ABCB6: variants seen among roughly 807,000 people sequenced by gnomAD.
ABCB6 encodes the protein ATP-binding cassette sub-family B member 6.
Under a neutral mutation model 99.4 loss-of-function variants are expected in ABCB6, and 87 were observed. The ratio of observed to expected loss-of-function variants is 0.88; its 90% CI spans 0.74 to 1.05. The LOEUF (loss-of-function observed/expected upper bound fraction) is 1.05, where lower values mean the gene tolerates loss of function less well. Ranked by LOEUF, ABCB6 falls within the 50% of genes least tolerant of loss-of-function variation. ABCB6 has a pLI of 0.00. For synonymous variants in ABCB6, 482 were observed against 447.5 expected, an observed-to-expected ratio of 1.08 and a Z score of -0.97; for missense variants, 1,050 against 1,097.9, an observed-to-expected ratio of 0.96 and a Z score of 0.62.
At position 219,216,395 on chromosome 2, in the gene ABCB6, C is replaced by A. The variant is rs752910770; in HGVS notation, c.939G>T (p.Lys313Asn). The A allele has an allele frequency of 2.5e-6, 4 of 1,614,040 alleles. No individual in the cohort carries two copies. The highest frequency in any genetic ancestry group is 2.5e-6 in the Non-Finnish European group (3 of 1,179,992). ...AWTVTSYVFL[K>N]FLQGGGTGST... ...TGCCAGTGCCACCCCCCTGGAGGAA[C>A]TTGAGGAAGACGTAACTGGTAACAG... The change falls in exon 4 of 19, where the codon AAG becomes AAT. Residue 313 changes from lysine (K) to asparagine (N), a missense_variant. Transcript: ENST00000265316. This position sits in a 1 kb window ranked among gnomAD's most constrained non-coding sequence, Gnocchi z 4.2.
chr2:219,214,815 G>A (rs894608345), intron 6 of ABCB6, 146 bp downstream of exon 6: 19 of 898,250 alleles, frequency 2.1e-5, no homozygotes, highest in East Asian at 1.3e-4. Flanking sequence ...GAAGAGACCC[G>A]CCCATCACAT....
Position 219,214,946 on chromosome 2 carries a change from C to G in ABCB6, c.1276+15G>C. ...TGGATAGTTCAGGGAGACGGTGTCT[C>G]CCAGCAGCACTCACTGAGGTAAAGA... On this transcript the variant is annotated intron_variant, in intron 6 of 18. Coordinates refer to ENST00000265316, the MANE Select transcript of ABCB6 (RefSeq NM_005689.4). 1 of 1,613,950 alleles carries G rather than the reference C, an allele frequency of 6.2e-7. No homozygotes were observed. The highest frequency in any genetic ancestry group is 8.5e-7 in the Non-Finnish European group (1 of 1,179,976).
At chr2:219,213,795 C>A in intron 9 of ABCB6, 31 bp downstream of exon 9, 1 of 1,613,724 alleles carries the variant, frequency 6.2e-7, no homozygotes, top group Non-Finnish European at 8.5e-7. Context: ...TTTCCTTGTG[C>A]CCCACTCTCT....
rs779756184 is a variant in ABCB6 at position 219,218,524 on chromosome 2, G to A, written c.150C>T (p.Cys50=). ...CACCAGCGGGCCGCTCCCGGCGTCT[G>A]CAGGGAAGAGCCAGCACCAAGGCCA... The part of the protein sequence containing the change: ...GTLALVLALP[C]RRRERPAGAD... Residue 50 remains cysteine (C), a synonymous_variant, in exon 1 of 19, where the codon TGC becomes TGT. Coordinates refer to ENST00000265316, the MANE Select transcript of ABCB6 (RefSeq NM_005689.4). 2.5e-6 allele frequency: 4 copies of A among 1,610,660 alleles called. No homozygotes were observed. The highest frequency in any genetic ancestry group is 3.4e-6 in the Non-Finnish European group (4 of 1,178,964).
intron 14 of ABCB6, among the ~76,000 whole-genome samples, chr2:219,211,614 G>A (rs1046351088): frequency 3.0e-5 from 4 of 132,262 alleles, no homozygotes; most frequent in East Asian, 2.3e-4. Context: ...ACAGAATATC[G>A]TTGTACCTTT....
rs372607361 is a variant in ABCB6, at chr2:219,213,509, A to G, written c.1656-7T>C. 5.0e-6 allele frequency: 8 copies of G among 1,614,076 alleles called. No individual in the cohort carries two copies. The African/African-American group carries it at 1.1e-4, about 22-fold the overall frequency. ...GAAGTTGGTCTGGATCATCCTGCAA[A>G]AAGGTGCTGGTTAGGACTTCTCTGA... On this transcript the variant is annotated splice_polypyrimidine_tract_variant and splice_region_variant and intron_variant, in intron 10 of 18. Transcript: ENST00000265316.
intron 1 of ABCB6, 24 bp from the exon 2 acceptor site, chr2:219,217,831 G>C (rs1459325749): frequency 1.3e-6 from 2 of 1,595,280 alleles, no homozygotes; most frequent in South Asian, 1.1e-5. Flanking sequence ...TAAGTGGAGA[G>C]AGTATCATTG....
At position 219,212,510 on chromosome 2, in the gene ABCB6, G is replaced by A; in HGVS notation, c.1864-19C>T. On this transcript the variant is annotated intron_variant, in intron 13 of 18. Transcript: ENST00000265316. ...GGCCCACCTGTTGCATTGGAAATGGGAAAAATCTCAGGCCCACTGGCTTTT... is the reference window on the plus strand; with the variant it reads ...GGCCCACCTGTTGCATTGGAAATGGAAAAAATCTCAGGCCCACTGGCTTTT... 1.2e-6 allele frequency: 2 copies of A among 1,605,232 alleles called. No homozygotes were observed. Among genetic ancestry groups the A allele is most frequent in the South Asian group, 1.1e-5 (1 of 90,370 alleles).
intron 13 of ABCB6, among the ~76,000 whole-genome samples, chr2:219,212,714 G>A (rs1374904913): frequency 2.6e-5 from 4 of 152,060 alleles, no homozygotes; most frequent in African/African-American, 9.7e-5. Context: ...TAGAGATAGG[G>A]TTTCACCATG....
At chr2:219,214,599 C>A in intron 6 of ABCB6, 101 bp from the exon 7 acceptor site, 1 of 890,712 alleles carries the variant, frequency 1.1e-6, no homozygotes, top group Non-Finnish European at 1.8e-6. Context: ...TAAGCCTATG[C>A]TCAAGCCCGG....
chr2:219,216,886 GC>G lies in ABCB6; in HGVS notation c.688-55del. Reference sequence around the variant, plus strand: ...GCTCAGAAATCAAGTAAGTGCACTAGCCAGAAACCCTTCAGGGAAAAACCTA... The same window carrying G: ...GCTCAGAAATCAAGTAAGTGCACTAGCAGAAACCCTTCAGGGAAAAACCTA... On this transcript the variant is annotated intron_variant, in intron 2 of 18. Transcript: ENST00000265316. The surrounding 1 kb of genome is among the most constrained non-coding windows in gnomAD (Gnocchi z 4.2). 2 of 1,507,830 alleles carry G rather than the reference GC, an allele frequency of 1.3e-6. No homozygotes were observed. Among genetic ancestry groups the G allele is most frequent in the South Asian group, 2.5e-5 (2 of 79,994 alleles). The allele number at this position is 1,507,830 out of a possible 1,614,324, so 93.4% of individuals were successfully genotyped here.
At chr2:219,210,593 G>A in intron 16 of ABCB6, 118 bp from the exon 17 acceptor site, 5 of 1,590,896 alleles carry the variant, frequency 3.1e-6, no homozygotes, top group Non-Finnish European at 4.3e-6. Context: ...TTGAGAACTG[G>A]AAAGTGTGTT....
chr2:219,218,690 C>T lies in ABCB6; in HGVS notation c.-17G>A, dbSNP rs1950682381. On this transcript the variant is annotated 5_prime_UTR_variant, in exon 1 of 19. Coordinates refer to ENST00000265316, the MANE Select transcript of ABCB6 (RefSeq NM_005689.4). ...AGTCACCATGGCAATGCGTGGACGC[C>T]GGCCGAGGCTGCGGGCACTGCGGGA... The T allele has an allele frequency of 2.0e-6, 3 of 1,528,402 alleles. No homozygotes were observed. Among genetic ancestry groups the T allele is most frequent in the Non-Finnish European group, 2.6e-6 (3 of 1,136,420 alleles). The allele number at this position is 1,528,402 out of a possible 1,614,324, so 94.7% of individuals were successfully genotyped here.
Position 219,210,278 on chromosome 2 carries a change from G to C in ABCB6, c.2372C>G (p.Ala791Gly), listed in dbSNP as rs771803840. 2 of 1,614,222 alleles carry C rather than the reference G, an allele frequency of 1.2e-6. No homozygotes were observed. Among genetic ancestry groups the C allele is most frequent in the East Asian group, 4.5e-5 (2 of 44,880 alleles). The change falls in exon 18 of 19, where the codon GCT (alanine) becomes GGT (glycine). Residue 791 changes from alanine to glycine, a missense_variant. Ala to Gly is a moderately conservative substitution (Grantham distance 60). Transcript: ENST00000265316. ...ATCCTTGATGACGAGGATCTGGTCA[G>C]CATTGACCACAGTTGAGAGCCTGAG... ...VAHRLSTVVN[A>G]DQILVIKDGC...
intron 6 of ABCB6, 75 bp from the exon 7 acceptor site, chr2:219,214,573 C>T: frequency 9.1e-7 from 1 of 1,099,022 alleles, no homozygotes. Context: ...ATGTCCACTA[C>T]CTGCCATGTA....
chr2:219,212,472 C>T lies in ABCB6; in HGVS notation c.1883G>A (p.Gly628Glu), dbSNP rs2106423770. Residue 628 changes from glycine (G) to glutamate (E), a missense_variant, in exon 14 of 19, where the codon GGG becomes GAG. Physicochemically the swap from Gly to Glu is moderately conservative, Grantham distance 98. Coordinates refer to ENST00000265316, the MANE Select transcript of ABCB6 (RefSeq NM_005689.4). ...CAGCAGGCGCAAAATTGTGCTCTTCCCTGCCCCAGATGGGCCCACCTGTTG... is the reference window on the plus strand; with the variant it reads ...CAGCAGGCGCAAAATTGTGCTCTTCTCTGCCCCAGATGGGCCCACCTGTTG... ...TLALVGPSGAGKSTILRLLFR... is the reference protein window; with the variant it reads ...TLALVGPSGAEKSTILRLLFR... The T allele has an allele frequency of 6.2e-7, 1 of 1,614,104 alleles. No homozygotes were observed. The highest frequency in any genetic ancestry group is 2.2e-5 in the East Asian group (1 of 44,880).
Position 219,218,787 on chromosome 2 carries a change from C to G in ABCB6, c.-114G>C, listed in dbSNP as rs545501683. On this transcript the variant is annotated 5_prime_UTR_variant, in exon 1 of 19. Transcript: ENST00000265316. Reference sequence around the variant, plus strand: ...TGCCTTGGCTCACGTAGCCGCTGGGCGCCAAGCTGCGGGGGTCCCGGGAAG... The same window carrying G: ...TGCCTTGGCTCACGTAGCCGCTGGGGGCCAAGCTGCGGGGGTCCCGGGAAG... 86 of 1,206,976 alleles carry G rather than the reference C, an allele frequency of 7.1e-5. No individual in the cohort carries two copies. In the African/African-American group the frequency reaches 1.2e-3, roughly 17 times the overall value. The allele number at this position is 1,206,976 out of a possible 1,614,324, so 74.8% of individuals were successfully genotyped here.
Position 219,216,656 on chromosome 2 carries a change from G to A in ABCB6, c.864C>T (p.Asn288=). 6.4e-7 allele frequency: 1 copy of A among 1,557,468 alleles called. No individual in the cohort carries two copies. Among genetic ancestry groups the A allele is most frequent in the Non-Finnish European group, 8.7e-7 (1 of 1,150,420 alleles). ...LNVLVPIFYR[N]IVNLLTEKAP... ...GCTGGTGCTCCTCCTGCTCACCAATGTTCCTATAGAATATAGGCACCAACA... is the reference window on the plus strand; with the variant it reads ...GCTGGTGCTCCTCCTGCTCACCAATATTCCTATAGAATATAGGCACCAACA... Residue 288 remains asparagine (N), a synonymous_variant, in exon 3 of 19, where the codon AAC becomes AAT. Coordinates refer to ENST00000265316, the MANE Select transcript of ABCB6 (RefSeq NM_005689.4). The surrounding 1 kb of genome is among the most constrained non-coding windows in gnomAD (Gnocchi z 4.2).
Position 219,213,643 on chromosome 2 carries a change from G to A in ABCB6, c.1602C>T (p.Gly534=). Residue 534 remains glycine (G), a synonymous_variant, in exon 10 of 19, where the codon GGC becomes GGT. Transcript: ENST00000265316. ...KLQVGDYVLF[G]TYIIQLYMPL... is the part of the protein sequence containing the mutation. The stretch of plus-strand genomic sequence containing the variant: ...GCATGTACAGCTGGATAATGTAGGT[G>A]CCAAAGAGCACATAGTCCCCAACCT... 6.2e-7 allele frequency: 1 copy of A among 1,614,210 alleles called. No homozygotes were observed. The highest frequency in any genetic ancestry group is 8.5e-7 in the Non-Finnish European group (1 of 1,180,044).
Sources: gnomAD v4.1 joint callset for allele counts (sites outside exome capture counted in the v4.1 genomes callset) on GRCh38, gnomAD v4.1.1 for gene constraint, Gnocchi (gnomAD v3.1) non-coding constraint, MANE v1.5 for transcripts, NCBI Gene and HGNC (gene_info 2026-07-23, HGNC 2026-07-21) for gene names.